TRPM7: variants seen among roughly 807,000 people sequenced by gnomAD.
TRPM7 encodes transient receptor potential cation channel subfamily M member 7, also known as LTRPC ion channel family member 7.
A neutral mutation model predicts 229.7 loss-of-function variants in TRPM7; 134 were observed. The ratio of observed to expected loss-of-function variants is 0.58; its 90% CI spans 0.51 to 0.67. The LOEUF is 0.67. Among genes scored for constraint, TRPM7 ranks in the 30% least tolerant of loss-of-function variants. TRPM7 has a pLI of 0.00. For synonymous variants in TRPM7, 699 were observed against 715.2 expected, an observed-to-expected ratio of 0.98 and a Z score of 0.36; for missense variants, 1,901 against 2,210.0, an observed-to-expected ratio of 0.86 and a Z score of 2.80.
intron 27 of TRPM7, among the ~76,000 whole-genome samples, chr15:50,588,532 A>G (rs576588279): frequency 7.9e-5 from 12 of 152,370 alleles, no homozygotes; most frequent in African/African-American, 2.9e-4. Context: ...CAGCAATTAC[A>G]TAATTCACCT....
At chr15:50,677,900 T>C (rs1439297155) in intron 1 of TRPM7, among the ~76,000 whole-genome samples, 1 of 151,828 alleles carries the variant, frequency 6.6e-6, no homozygotes. Flanking sequence ...AATTGCCTAC[T>C]AATAAAGTTC....
chr15:50,632,893 C>T lies in TRPM7; in HGVS notation c.1107G>A (p.Met369Ile), dbSNP rs1376066376. The T allele has an allele frequency of 3.2e-6, 5 of 1,582,320 alleles. No individual in the cohort carries two copies. The highest frequency in any genetic ancestry group is 4.3e-6 in the Non-Finnish European group (5 of 1,167,894). Residue 369 changes from methionine to isoleucine, a missense_variant, in exon 9 of 39, where the codon ATG (methionine) becomes ATA (isoleucine). Around this residue, in one of 8 missense-constraint regions of TRPM7, gnomAD observed 794 missense variants for 881.9 expected, o/e 0.90. Transcript: ENST00000646667. ...CAAGCTCCTTTCTTTTCATGCACTCCATCAGTGTTTGAAATAAATGAAGTG... is the reference window on the plus strand; with the variant it reads ...CAAGCTCCTTTCTTTTCATGCACTCTATCAGTGTTTGAAATAAATGAAGTG... ...NEALHLFQTL[M>I]ECMKRKELIT... is the part of the protein sequence containing the mutation.
Position 50,607,202 on chromosome 15 carries a change from C to T in TRPM7, c.2707G>A (p.Glu903Lys). Residue 903 changes from glutamate (E) to lysine (K), a missense_variant and splice_region_variant, in exon 20 of 39, where the codon GAG (glutamate) becomes AAG (lysine). Around this residue, in one of 8 missense-constraint regions of TRPM7, gnomAD observed 207 missense variants for 241.5 expected, o/e 0.86. Transcript: ENST00000646667. ...GTAGAAAAAAACTAAAGACATACCT[C>T]ACGGACTTTCTCAATGGCATAAGTA... The part of the protein sequence containing the change: ...IFTYAIEKVR[E>K]IFMSEAGKVN... The T allele has an allele frequency of 6.2e-7, 1 of 1,605,456 alleles. No individual in the cohort carries two copies. The highest frequency in any genetic ancestry group is 8.5e-7 in the Non-Finnish European group (1 of 1,177,320).
chr15:50,632,996 G>A lies in TRPM7; in HGVS notation c.1008-4C>T, dbSNP rs369455506. 2 of 1,576,654 alleles carry A rather than the reference G, an allele frequency of 1.3e-6. No individual in the cohort carries two copies. Among genetic ancestry groups the A allele is most frequent in the African/African-American group, 2.8e-5 (2 of 72,070 alleles). ...CTCTGCTGCATCAGGAAGATTCCTG[G>A]AATAAAAGGAAACATAATTCACTGA... On this transcript the variant is annotated splice_polypyrimidine_tract_variant and splice_region_variant and intron_variant, in intron 8 of 38. Coordinates refer to ENST00000646667, the MANE Select transcript of TRPM7 (RefSeq NM_017672.6).
chr15:50,671,052 A>AT (rs1292920337), intron 1 of TRPM7, among the ~76,000 whole-genome samples: 24 of 152,230 alleles, frequency 1.6e-4, no homozygotes, highest in Middle Eastern at 3.4e-3. Context: ...CTCACATACT[A>AT]TTTTTTTGTG....
chr15:50,673,384 C>A (rs1234753815), intron 1 of TRPM7, among the ~76,000 whole-genome samples: 1 of 152,292 alleles, frequency 6.6e-6, no homozygotes, highest in South Asian at 2.1e-4. Flanking sequence ...CCGGTACACA[C>A]TGCACCCTAT....
chr15:50,570,677 T>TTAAA (rs1491559427), intron 36 of TRPM7, among the ~76,000 whole-genome samples: 1 of 91,746 alleles, frequency 1.1e-5, no homozygotes. Flanking sequence ...ACTTCATTCC[T>TTAAA]AAAAAAAAAA....
At chr15:50,659,964 C>T (rs889163728) in intron 2 of TRPM7, among the ~76,000 whole-genome samples, 1 of 152,132 alleles carries the variant, frequency 6.6e-6, no homozygotes, top group Non-Finnish European at 1.5e-5. Flanking sequence ...CACACCCGAC[C>T]AACAAAATCT....
chr15:50,680,015 C>T (rs1479502075), intron 1 of TRPM7, among the ~76,000 whole-genome samples: 1 of 152,044 alleles, frequency 6.6e-6, no homozygotes, highest in Non-Finnish European at 1.5e-5. Flanking sequence ...GGGTGGATCA[C>T]TTGAGGTCAG....
At chr15:50,580,800 A>T (rs2054363337) in intron 30 of TRPM7, 74 bp downstream of exon 30, 1 of 1,375,482 alleles carries the variant, frequency 7.3e-7, no homozygotes, top group African/African-American at 1.5e-5. Context: ...GAGATGATGT[A>T]AAGAGCAGGA....
intron 38 of TRPM7, among the ~76,000 whole-genome samples, chr15:50,562,639 A>T (rs1002029629): frequency 6.6e-6 from 1 of 151,940 alleles, no homozygotes; most frequent in East Asian, 1.9e-4. Context: ...AGGTGTGGTG[A>T]TGTGCGCCTG....
At chr15:50,622,441 A>G (rs574576950) in intron 12 of TRPM7, among the ~76,000 whole-genome samples, 36 of 152,356 alleles carry the variant, frequency 2.4e-4, no homozygotes, top group African/African-American at 7.7e-4. Context: ...TAATGGGATC[A>G]ATTTTTATTT....
chr15:50,673,053 T>TA (rs2062024813), intron 1 of TRPM7, among the ~76,000 whole-genome samples: 1 of 147,334 alleles, frequency 6.8e-6, no homozygotes, highest in Non-Finnish European at 1.5e-5. Flanking sequence ...AAAGTTACAG[T>TA]AAGCTAGCGT....
intron 29 of TRPM7, among the ~76,000 whole-genome samples, 165 bp from the exon 30 acceptor site, chr15:50,581,073 ATTT>A: frequency 6.6e-6 from 1 of 152,352 alleles, no homozygotes. Flanking sequence ...TTATAACTGT[ATTT>A]ACTGTAAATG....
rs145318426 is a variant in TRPM7 at position 50,641,853 on chromosome 15, A to G, written c.535+1487T>C. 3.3e-5 allele frequency among the ~76,000 whole-genome samples: 5 copies of G among 152,186 alleles called. No individual in the cohort carries two copies. The East Asian group carries it at 9.7e-4, about 29-fold the overall frequency. ...CATCTCTAGTAAAAATACAAAACTT[A>G]GCCACGTGTGGTGACGGGCACCTGT... On this transcript the variant is annotated intron_variant, in intron 5 of 38. Coordinates refer to ENST00000646667, the MANE Select transcript of TRPM7 (RefSeq NM_017672.6).
At chr15:50,655,238 A>G (rs1194703096) in intron 3 of TRPM7, among the ~76,000 whole-genome samples, 1 of 151,456 alleles carries the variant, frequency 6.6e-6, no homozygotes, top group Non-Finnish European at 1.5e-5. Context: ...GTTCAAGACC[A>G]CCCTGACCAT....
At chr15:50,651,364 C>T (rs1030759292) in intron 3 of TRPM7, among the ~76,000 whole-genome samples, 1 of 152,166 alleles carries the variant, frequency 6.6e-6, no homozygotes. Context: ...CCATGCTTGA[C>T]GCCGGGTGTG....
At chr15:50,638,223 G>C (rs1239599577) in intron 6 of TRPM7, among the ~76,000 whole-genome samples, 3 of 151,024 alleles carry the variant, frequency 2.0e-5, no homozygotes, top group Non-Finnish European at 4.4e-5. Flanking sequence ...GCCGGGCGTG[G>C]TAGCGGGCGC....
At chr15:50,567,138 T>C (rs1381771855) in intron 38 of TRPM7, among the ~76,000 whole-genome samples, 1 of 152,044 alleles carries the variant, frequency 6.6e-6, no homozygotes, top group Non-Finnish European at 1.5e-5. Context: ...ATTAAAGAAA[T>C]TAAATGCTTA....
Sources: allele counts gnomAD v4.1 joint callset (sites outside exome capture counted in the v4.1 genomes callset), GRCh38; gene constraint gnomAD v4.1.1; regional missense constraint gnomAD v4.1.1; transcripts MANE v1.5; gene names NCBI Gene and HGNC (gene_info 2026-07-23, HGNC 2026-07-21).